The following FBXL7 variants were observed in gnomAD, a reference collection of about 807,000 sequenced individuals.
FBXL7 encodes F-box and leucine rich repeat protein 7, also known as F-box/LRR-repeat protein 7.
A neutral mutation model predicts 38.3 loss-of-function variants in FBXL7; 12 were observed. That is an observed-to-expected ratio of 0.31 (90% CI 0.20 to 0.51). FBXL7 has a LOEUF of 0.51. Among genes scored for constraint, FBXL7 ranks in the 20% least tolerant of loss-of-function variants. The pLI, the probability that FBXL7 is intolerant of heterozygous loss-of-function variation, is 0.98. For missense variants in FBXL7, 567 were observed against 676.4 expected (o/e 0.84, Z 1.79); for synonymous variants, 297 against 300.9 (o/e 0.99, Z 0.13).
At chr5:15,620,230 C>CTTTTTTTTTTTTTTTTTTTTTTTTTT (rs796293132) in intron 2 of FBXL7, among the ~76,000 whole-genome samples, 1 of 134,142 alleles carries the variant, frequency 7.5e-6, no homozygotes. Context: ...TTCTTTTTTT[C>CTTTTTTTTTTTTTTTTTTTTTTTTTT]TTTTTTTTTT....
intron 2 of FBXL7, among the ~76,000 whole-genome samples, chr5:15,895,746 C>T (rs1741081776): frequency 6.7e-6 from 1 of 150,030 alleles, no homozygotes; most frequent in South Asian, 2.1e-4. Context: ...TGGGTTCACG[C>T]CATTCTCCTG....
At chr5:15,508,947 A>C (rs2126352620) in intron 1 of FBXL7, among the ~76,000 whole-genome samples, 1 of 152,364 alleles carries the variant, frequency 6.6e-6, no homozygotes, top group South Asian at 2.1e-4. Context: ...AATGGATACC[A>C]AGTAAACTTA....
chr5:15,928,025 T>G lies in FBXL7; in HGVS notation c.263T>G (p.Val88Gly), dbSNP rs1741931508. 5.6e-6 allele frequency: 9 copies of G among 1,601,172 alleles called. No individual in the cohort carries two copies. The highest frequency in any genetic ancestry group is 7.7e-6 in the Non-Finnish European group (9 of 1,172,624). The stretch of plus-strand genomic sequence containing the variant: ...ATCACCGGGGAGACGGTGGCCATGG[T>G]GCACTCCCCGCCCCCGACCCGCCTC... ...SSITGETVAMVHSPPPTRLTH... is the reference protein window; with the variant it reads ...SSITGETVAMGHSPPPTRLTH... The change falls in exon 3 of 4, where the codon GTG becomes GGG. Residue 88 changes from valine (V) to glycine (G), a missense_variant. By Grantham distance (109) the Val-to-Gly change is moderately radical. Transcript: ENST00000504595. The surrounding 1 kb of genome is among the most constrained non-coding windows in gnomAD (Gnocchi z 4.0).
chr5:15,731,742 C>G (rs1270136276), intron 2 of FBXL7, among the ~76,000 whole-genome samples: 2 of 152,086 alleles, frequency 1.3e-5, no homozygotes, highest in African/African-American at 4.8e-5. Flanking sequence ...GCCGAGAGTT[C>G]TGTTAGTAAA....
intron 1 of FBXL7, among the ~76,000 whole-genome samples, chr5:15,546,806 A>G (rs550959478): frequency 6.6e-6 from 1 of 152,296 alleles, no homozygotes; most frequent in East Asian, 1.9e-4. Context: ...CTCACATCAT[A>G]TTTCTATTGG....
chr5:15,509,461 G>T (rs988970471), intron 1 of FBXL7, among the ~76,000 whole-genome samples: 15 of 152,148 alleles, frequency 9.9e-5, no homozygotes, highest in African/African-American at 3.6e-4. Flanking sequence ...TACTTCCCCA[G>T]TGTGCTAAAT....
intron 2 of FBXL7, among the ~76,000 whole-genome samples, chr5:15,903,127 G>A (rs1350601495): frequency 6.6e-6 from 1 of 152,204 alleles, no homozygotes; most frequent in Admixed American, 6.5e-5. Context: ...TTTCAAAGTC[G>A]ATATTAAACT....
intron 1 of FBXL7, among the ~76,000 whole-genome samples, chr5:15,590,014 C>T (rs928095650): frequency 2.6e-5 from 4 of 152,180 alleles, no homozygotes; most frequent in Non-Finnish European, 5.9e-5. Context: ...CATGTTCCTA[C>T]CATGTTTTTT....
intron 2 of FBXL7, among the ~76,000 whole-genome samples, chr5:15,807,815 C>A (rs1737756543): frequency 6.6e-6 from 1 of 152,026 alleles, no homozygotes; most frequent in Admixed American, 6.6e-5. Context: ...CAGGGCACCC[C>A]CAGAAGCAAT....
intron 2 of FBXL7, among the ~76,000 whole-genome samples, chr5:15,737,068 G>C (rs547666463): frequency 6.6e-6 from 1 of 152,242 alleles, no homozygotes; most frequent in South Asian, 2.1e-4. Flanking sequence ...TACTTGCCCA[G>C]AGTCACACAG....
At chr5:15,707,326 A>T (rs941038431) in intron 2 of FBXL7, among the ~76,000 whole-genome samples, 2 of 152,170 alleles carry the variant, frequency 1.3e-5, no homozygotes, top group South Asian at 4.1e-4. Flanking sequence ...CATATATCCT[A>T]TTCTTTCTGT....
At chr5:15,781,099 C>T (rs1736978561) in intron 2 of FBXL7, among the ~76,000 whole-genome samples, 2 of 152,146 alleles carry the variant, frequency 1.3e-5, no homozygotes, top group Admixed American at 6.6e-5. Context: ...TTCCCGGTAC[C>T]ACAATGGTCC....
intron 1 of FBXL7, among the ~76,000 whole-genome samples, chr5:15,524,550 C>T (rs1356657468): frequency 3.9e-5 from 6 of 152,204 alleles, no homozygotes; most frequent in Non-Finnish European, 7.3e-5. Context: ...CCTCTCTTAG[C>T]ACAAACTTAG....
intron 2 of FBXL7, among the ~76,000 whole-genome samples, chr5:15,642,655 A>G (rs1741405218): frequency 1.3e-5 from 2 of 152,220 alleles, no homozygotes; most frequent in South Asian, 4.1e-4. Flanking sequence ...GCCATGGAGC[A>G]AACTAGGCTA....
intron 1 of FBXL7, among the ~76,000 whole-genome samples, chr5:15,584,941 A>G (rs1311494618): frequency 6.6e-6 from 1 of 152,228 alleles, no homozygotes; most frequent in Non-Finnish European, 1.5e-5. Context: ...TGCCAATCAC[A>G]TACTATTACA....
rs184321437 is a variant in FBXL7 at position 15,749,345 on chromosome 5, G to A, written c.127+133273G>A. 4.7e-4 allele frequency among the ~76,000 whole-genome samples: 71 copies of A among 151,452 alleles called. No homozygotes were observed. The East Asian group carries it at 0.01, about 21-fold the overall frequency. On this transcript the variant is annotated intron_variant, in intron 2 of 3. Transcript: ENST00000504595. ...AAACTTGTTATAAGTGTGTATCCTC[G>A]GCTGGGTGCGGTGGCTCACGCCTGT...
intron 2 of FBXL7, among the ~76,000 whole-genome samples, chr5:15,819,535 AAAG>A (rs1289694181): frequency 6.6e-6 from 1 of 152,216 alleles, no homozygotes; most frequent in Non-Finnish European, 1.5e-5. Flanking sequence ...AGACAAAATG[AAAG>A]AATACCTTTT....
At chr5:15,798,460 T>A in intron 2 of FBXL7, among the ~76,000 whole-genome samples, 1 of 152,224 alleles carries the variant, frequency 6.6e-6, no homozygotes, top group Admixed American at 6.5e-5. Context: ...ACTGAAGAAT[T>A]AACATTTTTA....
At chr5:15,568,708 T>A (rs1195502878) in intron 1 of FBXL7, among the ~76,000 whole-genome samples, 1 of 152,136 alleles carries the variant, frequency 6.6e-6, no homozygotes, top group Non-Finnish European at 1.5e-5. Flanking sequence ...TCTTCTAGGG[T>A]TTTTATGGTT....
Sources: allele counts gnomAD v4.1 joint callset (sites outside exome capture counted in the v4.1 genomes callset), GRCh38; gene constraint gnomAD v4.1.1; non-coding constraint Gnocchi (gnomAD v3.1); transcripts MANE v1.5; gene names NCBI Gene and HGNC (gene_info 2026-07-23, HGNC 2026-07-21).